The following CWC25 variants were observed in gnomAD, a reference collection of about 807,000 sequenced individuals.
CWC25 encodes the protein pre-mRNA-splicing factor CWC25 homolog.
Under a neutral mutation model 54.6 loss-of-function variants are expected in CWC25, and 31 were observed. The ratio of observed to expected loss-of-function variants is 0.57; its 90% CI spans 0.43 to 0.77. The LOEUF is 0.77. CWC25 is among the 30% of genes least tolerant of loss of function. The probability of loss-of-function intolerance (pLI) is 0.00; values close to 1 mark genes in which losing one functional copy is unlikely to be tolerated. For synonymous variants in CWC25, 151 were observed against 187.0 expected, an observed-to-expected ratio of 0.81 and a Z score of 1.57; for missense variants, 453 against 529.3, an observed-to-expected ratio of 0.86 and a Z score of 1.41.
chr17:38,809,353 G>A (rs1160525851), intron 6 of CWC25, among the ~76,000 whole-genome samples: 4 of 150,618 alleles, frequency 2.7e-5, no homozygotes, highest in African/African-American at 4.9e-5. Context: ...GCTTGAACCC[G>A]GAAGGCAGAG....
intron 6 of CWC25, among the ~76,000 whole-genome samples, chr17:38,807,384 T>C (rs1911298536): frequency 7.3e-6 from 1 of 137,038 alleles, no homozygotes; most frequent in Admixed American, 7.9e-5. Flanking sequence ...AGGAGCTCAC[T>C]GAGCACACCA....
Position 38,801,116 on chromosome 17 carries a change from A to C in CWC25, c.*976T>G, listed in dbSNP as rs1343492806. The C allele has an allele frequency of 6.6e-6, 1 of 151,902 alleles. No homozygotes were observed. 9.4% of individuals were successfully genotyped at this position (151,902 alleles called of 1,614,324 possible). A position where few individuals can be genotyped will look rare whatever the true frequency, so the allele number is the denominator to read the frequency against. ...TTGTTTTTTTTTTAGTACCTGACTGAAAGAGACTAGCAAACAACTCCTGAA... is the reference window on the plus strand; with the variant it reads ...TTGTTTTTTTTTTAGTACCTGACTGCAAGAGACTAGCAAACAACTCCTGAA... On this transcript the variant is annotated 3_prime_UTR_variant, in exon 10 of 10. Coordinates refer to ENST00000614790, the MANE Select transcript of CWC25 (RefSeq NM_017748.5).
intron 8 of CWC25, among the ~76,000 whole-genome samples, chr17:38,805,972 C>A (rs1033462730): frequency 6.6e-6 from 1 of 152,150 alleles, no homozygotes; most frequent in Non-Finnish European, 1.5e-5. Context: ...GCCACCATGA[C>A]CAACTAATTT....
intron 2 of CWC25, among the ~76,000 whole-genome samples, chr17:38,817,334 G>A (rs569415179): frequency 3.4e-5 from 5 of 148,466 alleles, no homozygotes; most frequent in East Asian, 2.1e-4. Flanking sequence ...TGCGAGACTC[G>A]GTCTCAAAAA....
intron 1 of CWC25, among the ~76,000 whole-genome samples, chr17:38,824,895 CG>C (rs1912080916): frequency 1.3e-5 from 2 of 152,130 alleles, no homozygotes; most frequent in South Asian, 4.1e-4. Context: ...GCCCCCTCCC[CG>C]GTCTTCCCAG....
At position 38,823,466 on chromosome 17, in the gene CWC25, T is replaced by A. The variant is rs534864013; in HGVS notation, c.18+1700A>T. Among the ~76,000 whole-genome samples the A allele has an allele frequency of 2.0e-5, 3 of 148,260 alleles. No homozygotes were observed. The South Asian group carries it at 6.3e-4, about 31-fold the overall frequency. On this transcript the variant is annotated intron_variant, in intron 1 of 9. Transcript: ENST00000614790. ...GCCACTGCACCTGGCTGAGACTCCA[T>A]CTTAAAAAAAAAAAAAGAAAAGAGA...
intron 9 of CWC25, 73 bp from the exon 10 acceptor site, chr17:38,802,279 G>A (rs753725857): frequency 9.8e-6 from 10 of 1,019,508 alleles, no homozygotes; most frequent in Non-Finnish European, 1.3e-5. Context: ...AGCTTCAGAA[G>A]AAATGGGTTG....
At chr17:38,818,649 C>T (rs551705177) in intron 2 of CWC25, among the ~76,000 whole-genome samples, 1 of 143,544 alleles carries the variant, frequency 7.0e-6, no homozygotes, top group African/African-American at 2.6e-5. Context: ...ATACTTAAGT[C>T]ATCTAAATAC....
Position 38,806,285 on chromosome 17 carries a change from C to T in CWC25, c.1001+12G>A, listed in dbSNP as rs957823054. ...TGCAAAATGTGGTTAATCAACTGGG[C>T]TCCTGACTCACCTGGTGTATCCGGG... On this transcript the variant is annotated intron_variant, in intron 8 of 9. Coordinates refer to ENST00000614790, the MANE Select transcript of CWC25 (RefSeq NM_017748.5). 3 of 1,602,956 alleles carry T rather than the reference C, an allele frequency of 1.9e-6. No homozygotes were observed. The African/African-American group carries it at 4.0e-5, about 21-fold the overall frequency.
At position 38,810,454 on chromosome 17, in the gene CWC25, C is replaced by T. The variant is rs369755152; in HGVS notation, c.626+14G>A. The T allele has an allele frequency of 9.8e-6, 15 of 1,536,152 alleles. No homozygotes were observed. Among genetic ancestry groups the T allele is most frequent in the East Asian group, 2.3e-5 (1 of 43,330 alleles). On this transcript the variant is annotated intron_variant, in intron 5 of 9. Transcript: ENST00000614790. The stretch of plus-strand genomic sequence containing the variant: ...TGAATCAACGAGAAGGGAGGCCAGT[C>T]GCCACATGCTCACCTCCCTGCACTG...
At chr17:38,813,536 A>C in intron 3 of CWC25, among the ~76,000 whole-genome samples, 1 of 143,372 alleles carries the variant, frequency 7.0e-6, no homozygotes, top group East Asian at 2.2e-4. Context: ...TCACAAATAT[A>C]AGAGATTGTC....
chr17:38,806,718 C>T, intron 7 of CWC25, 47 bp downstream of exon 7: 1 of 1,483,328 alleles, frequency 6.7e-7, no homozygotes, highest in Non-Finnish European at 9.0e-7. Flanking sequence ...CTGCTGGGAC[C>T]AGGCCCCCAC....
chr17:38,820,975 C>A lies in CWC25; in HGVS notation c.117G>T (p.Glu39Asp), dbSNP rs1188931094. 74 of 1,614,010 alleles carry A rather than the reference C, an allele frequency of 4.6e-5. No individual in the cohort carries two copies. Among genetic ancestry groups the A allele is most frequent in the Non-Finnish European group, 6.1e-5 (72 of 1,179,910 alleles). Reference protein sequence around the residue: ...KHEAERKKIEELQRELREERA... With the variant: ...KHEAERKKIEDLQRELREERA... ...TCTCTTCTCGCAGCTCCCGCTGAAGCTCCTCAATCTTCTTCCGCTCAGCCT... is the reference window on the plus strand; with the variant it reads ...TCTCTTCTCGCAGCTCCCGCTGAAGATCCTCAATCTTCTTCCGCTCAGCCT... The change falls in exon 2 of 10, where the codon GAG becomes GAT. Residue 39 changes from glutamate to aspartate, a missense_variant. By Grantham distance (45) the Glu-to-Asp change is conservative. This residue lies in a region of CWC25 where 444 missense variants were observed against 499.2 expected (regional missense o/e 0.89). Coordinates refer to ENST00000614790, the MANE Select transcript of CWC25 (RefSeq NM_017748.5).
Position 38,802,853 on chromosome 17 carries a change from G to A in CWC25, c.1010C>T (p.Ser337Phe). 1.2e-6 allele frequency: 2 copies of A among 1,613,850 alleles called. No individual in the cohort carries two copies. The highest frequency in any genetic ancestry group is 4.5e-5 in the East Asian group (2 of 44,886). The change falls in exon 9 of 10, where the codon TCT (serine) becomes TTT (phenylalanine). Residue 337 changes from serine (S) to phenylalanine (F), a missense_variant. Physicochemically the swap from Ser to Phe is radical, Grantham distance 155. Coordinates refer to ENST00000614790, the MANE Select transcript of CWC25 (RefSeq NM_017748.5). ...CCGTTTTCGCTCTAATTCCTCTGCA[G>A]AGAGTTTTCTGTTGAGCACAGAAAC... ...RHAPGYTRKL[S>F]AEELERKRQE...
At chr17:38,818,420 G>A (rs1351338140) in intron 2 of CWC25, among the ~76,000 whole-genome samples, 3 of 149,120 alleles carry the variant, frequency 2.0e-5, no homozygotes, top group Admixed American at 1.3e-4. Context: ...GTGAAACCCC[G>A]TCTCTACTAA....
chr17:38,811,531 A>T (rs934140071), intron 4 of CWC25, among the ~76,000 whole-genome samples: 1 of 130,954 alleles, frequency 7.6e-6, no homozygotes, highest in African/African-American at 3.3e-5. Context: ...ACAGAGCGAG[A>T]CTCCGTCTCA....
intron 4 of CWC25, among the ~76,000 whole-genome samples, chr17:38,812,079 C>G (rs1911512925): frequency 6.6e-6 from 1 of 152,006 alleles, no homozygotes; most frequent in African/African-American, 2.4e-5. Context: ...GCTGGGATTA[C>G]AGGCATGAAC....
At chr17:38,809,194 G>A (rs548496321) in intron 6 of CWC25, among the ~76,000 whole-genome samples, 101 of 151,824 alleles carry the variant, frequency 6.7e-4, no homozygotes, top group African/African-American at 2.1e-3. Context: ...TTGGGAGGCC[G>A]AGGCGGAGGG....
Position 38,814,992 on chromosome 17 carries a change from C to T in CWC25, c.297G>A (p.Lys99=). The T allele has an allele frequency of 6.2e-7, 1 of 1,613,924 alleles. No individual in the cohort carries two copies. Among genetic ancestry groups the T allele is most frequent in the Non-Finnish European group, 8.5e-7 (1 of 1,179,888 alleles). Residue 99 remains lysine, a synonymous_variant, in exon 3 of 10, where the codon AAG becomes AAA. Coordinates refer to ENST00000614790, the MANE Select transcript of CWC25 (RefSeq NM_017748.5). ...AGCAGCCTGCCTCCTTCTCCTCCAT[C>T]TTCTCAAAAACATATTTGTCAATGG... ...GRPIDKYVFE[K]MEEKEAGCSS...
Sources: gnomAD v4.1 joint callset for allele counts (sites outside exome capture counted in the v4.1 genomes callset) on GRCh38, gnomAD v4.1.1 for gene constraint, gnomAD v4.1.1 regional missense constraint, MANE v1.5 for transcripts, NCBI Gene and HGNC (gene_info 2026-07-23, HGNC 2026-07-21) for gene names.